Variants in EFCAB6 observed in about 807,000 individuals in gnomAD.
The protein encoded by EFCAB6 is EF-hand calcium binding domain 6.
Under a neutral mutation model 169.8 loss-of-function variants are expected in EFCAB6, and 156 were observed. The ratio of observed to expected loss-of-function variants is 0.92; its 90% CI spans 0.81 to 1.05. The LOEUF is 1.05. EFCAB6 is among the 50% of genes least tolerant of loss of function. The pLI, the probability that EFCAB6 is intolerant of heterozygous loss-of-function variation, is 0.00. For synonymous variants in EFCAB6, 698 were observed against 676.4 expected (o/e 1.03, Z -0.50); for missense variants, 1,800 against 1,829.1 (o/e 0.98, Z 0.29).
At position 43,555,193 on chromosome 22, in the gene EFCAB6, C is replaced by T. The variant is rs1005439887; in HGVS notation, c.3421-97G>A. ...CAGGGCAAGTTGCAGGGAGACCCAG[C>T]GTGGTGGGGAGGAGAGGCCAGAAGA... On this transcript the variant is annotated intron_variant, in intron 26 of 31. Coordinates refer to ENST00000262726, the MANE Select transcript of EFCAB6 (RefSeq NM_022785.4). The T allele has an allele frequency of 8.7e-5, 115 of 1,314,592 alleles. No individual in the cohort carries two copies. In the South Asian group the frequency reaches 1.2e-3, roughly 14 times the overall value. The allele number at this position is 1,314,592 out of a possible 1,614,324, so 81.4% of individuals were successfully genotyped here. A position where few individuals can be genotyped will look rare whatever the true frequency, so the allele number is the denominator to read the frequency against.
At chr22:43,591,808 A>C (rs1018416780) in intron 23 of EFCAB6, among the ~76,000 whole-genome samples, 3 of 152,152 alleles carry the variant, frequency 2.0e-5, no homozygotes, top group Non-Finnish European at 4.4e-5. Context: ...TTGTCTCCTA[A>C]CTCGAAAAAA....
At chr22:43,689,594 C>G (rs2147168310) in intron 10 of EFCAB6, among the ~76,000 whole-genome samples, 1 of 152,298 alleles carries the variant, frequency 6.6e-6, no homozygotes, top group African/African-American at 2.4e-5. Context: ...TGATCGGCCC[C>G]AAGAACACAG....
chr22:43,682,089 C>T (rs927754405), intron 12 of EFCAB6, among the ~76,000 whole-genome samples: 1 of 152,216 alleles, frequency 6.6e-6, no homozygotes, highest in African/African-American at 2.4e-5. Flanking sequence ...CTGCCCACTC[C>T]TGGCTCCCAC....
chr22:43,610,918 T>C (rs2053254356), intron 21 of EFCAB6, among the ~76,000 whole-genome samples: 1 of 152,298 alleles, frequency 6.6e-6, no homozygotes, highest in Middle Eastern at 3.4e-3. Flanking sequence ...ACAGGCCAAA[T>C]CACTGTCCCC....
At position 43,683,868 on chromosome 22, in the gene EFCAB6, T is replaced by C; in HGVS notation, c.1143-13A>G. 6.3e-7 allele frequency: 1 copy of C among 1,577,344 alleles called. No homozygotes were observed. The highest frequency in any genetic ancestry group is 8.7e-7 in the Non-Finnish European group (1 of 1,146,760). On this transcript the variant is annotated splice_polypyrimidine_tract_variant and intron_variant, in intron 11 of 31. Transcript: ENST00000262726. The stretch of plus-strand genomic sequence containing the variant: ...TCTAGAGTTGATGCTACAAGAGGAT[T>C]AGGAGAAAAGCAGGAATAAGATTAT...
intron 31 of EFCAB6, among the ~76,000 whole-genome samples, chr22:43,529,391 G>C (rs1428644908): frequency 6.6e-6 from 1 of 152,220 alleles, no homozygotes; most frequent in Non-Finnish European, 1.5e-5. Context: ...GAGAGTTGCT[G>C]TGATAAGACC....
intron 26 of EFCAB6, among the ~76,000 whole-genome samples, chr22:43,563,881 C>T (rs2049245706): frequency 6.6e-6 from 1 of 152,252 alleles, no homozygotes; most frequent in African/African-American, 2.4e-5. Context: ...GGAGCCCAGG[C>T]ACACAGTGGC....
At chr22:43,620,925 T>C (rs774022492) in intron 20 of EFCAB6, among the ~76,000 whole-genome samples, 28 of 152,138 alleles carry the variant, frequency 1.8e-4, no homozygotes, top group Admixed American at 5.2e-4. Context: ...AGAATACACA[T>C]TCTTTTCAAG....
intron 19 of EFCAB6, among the ~76,000 whole-genome samples, chr22:43,627,364 C>T (rs544964377): frequency 5.4e-4 from 82 of 152,348 alleles, no homozygotes; most frequent in African/African-American, 1.9e-3. Flanking sequence ...AACCCCAGCT[C>T]TGCCACTTAC....
Position 43,628,283 on chromosome 22 carries a change from G to A in EFCAB6, c.2233-1604C>T, listed in dbSNP as rs897138432. Among the ~76,000 whole-genome samples the A allele has an allele frequency of 1.3e-5, 2 of 151,888 alleles. No individual in the cohort carries two copies. The highest frequency in any genetic ancestry group is 6.6e-5 in the Admixed American group (1 of 15,254). On this transcript the variant is annotated intron_variant, in intron 19 of 31. Transcript: ENST00000262726. This position sits in a 1 kb window ranked among gnomAD's most constrained non-coding sequence, Gnocchi z 4.8. ...AACCTGGGAGCCCTTCTGAGCCCTC[G>A]CTTCCTCTCACACCCACATCCAGTC...
At chr22:43,692,523 C>G (rs1246917070) in intron 10 of EFCAB6, among the ~76,000 whole-genome samples, 1 of 151,940 alleles carries the variant, frequency 6.6e-6, no homozygotes, top group African/African-American at 2.4e-5. Context: ...GATAGGACAT[C>G]TCAGCAGAGA....
At chr22:43,784,964 G>A (rs1003607885) in intron 2 of EFCAB6, among the ~76,000 whole-genome samples, 4 of 151,646 alleles carry the variant, frequency 2.6e-5, no homozygotes, top group African/African-American at 9.7e-5. Flanking sequence ...AAAAAAGGAA[G>A]AGCATTTGAG....
chr22:43,640,917 T>C (rs2055754223), intron 17 of EFCAB6, among the ~76,000 whole-genome samples: 1 of 152,162 alleles, frequency 6.6e-6, no homozygotes, highest in Admixed American at 6.5e-5. Context: ...AAGCACATCC[T>C]TAAGATACAG....
rs16990981 is a variant in EFCAB6 at position 43,755,776 on chromosome 22, A to G, written c.497T>C (p.Val166Ala). 0.017 allele frequency: 28,078 copies of G among 1,606,654 alleles called. 486 individuals carry two copies. Among genetic ancestry groups the G allele is most frequent in the African/African-American group, 0.09 (6,682 of 74,514 alleles). The change falls in exon 6 of 32, where the codon GTG becomes GCG. Residue 166 changes from valine (V) to alanine (A), a missense_variant. Val to Ala is a moderately conservative substitution (Grantham distance 64). Transcript: ENST00000262726. ...TAAAATCTCTATTACCTTTTCTCCC[A>G]CTTGGATTTCAAGTTCTCTTAATGT... The part of the protein sequence containing the change: ...CRTLRELEIQ[V>A]GEKVFKNIKT...
At chr22:43,802,794 A>G (rs865865020) in intron 2 of EFCAB6, 20 of 502,520 alleles carry the variant, frequency 4.0e-5, no homozygotes, top group African/African-American at 3.7e-4. Context: ...TGCATTTTTA[A>G]TAACTGTGTA....
chr22:43,578,232 A>G (rs1602379191), intron 25 of EFCAB6, among the ~76,000 whole-genome samples: 1 of 152,144 alleles, frequency 6.6e-6, no homozygotes, highest in South Asian at 2.1e-4. Context: ...TGGAATCAGG[A>G]GCCCCACCTT....
intron 24 of EFCAB6, among the ~76,000 whole-genome samples, chr22:43,588,282 A>T (rs2051213111): frequency 6.6e-6 from 1 of 152,238 alleles, no homozygotes; most frequent in African/African-American, 2.4e-5. Context: ...AATATCCAAC[A>T]TGAGTAATAG....
Position 43,632,232 on chromosome 22 carries a change from G to T in EFCAB6, c.2105C>A (p.Pro702Gln), listed in dbSNP as rs1352592214. The change falls in exon 19 of 32, where the codon CCA (proline) becomes CAA (glutamine). Residue 702 changes from proline (P) to glutamine (Q), a missense_variant. Physicochemically the swap from Pro to Gln is moderately conservative, Grantham distance 76 (BLOSUM62 -1). Coordinates refer to ENST00000262726, the MANE Select transcript of EFCAB6 (RefSeq NM_022785.4). The part of the protein sequence containing the change: ...LDFAAGFEDP[P>Q]MRGPETTPPQ... ...CGGAGTGGTTTCCGGCCCTCTCATT[G>T]GAGGATCTGGAACAATTACAAAGAT... 1 of 1,612,310 alleles carries T rather than the reference G, an allele frequency of 6.2e-7. No individual in the cohort carries two copies. Among genetic ancestry groups the T allele is most frequent in the Non-Finnish European group, 8.5e-7 (1 of 1,179,386 alleles).
At chr22:43,559,453 G>A (rs1181060415) in intron 26 of EFCAB6, among the ~76,000 whole-genome samples, 1 of 152,224 alleles carries the variant, frequency 6.6e-6, no homozygotes, top group Non-Finnish European at 1.5e-5. Context: ...AGACAGTGTG[G>A]TGATTCCTCA....
Sources: gnomAD v4.1 joint callset for allele counts (sites outside exome capture counted in the v4.1 genomes callset) on GRCh38, gnomAD v4.1.1 for gene constraint, Gnocchi (gnomAD v3.1) non-coding constraint, MANE v1.5 for transcripts, NCBI Gene and HGNC (gene_info 2026-07-23, HGNC 2026-07-21) for gene names.